Variants in MARCHF10 observed in about 807,000 individuals in gnomAD.
The protein encoded by MARCHF10 is membrane associated ring-CH-type finger 10.
MARCHF10 carries 64 observed loss-of-function variants against 76.2 expected under a neutral mutation model. The observed-to-expected ratio is 0.84, with a 90% CI of 0.69 to 1.03. MARCHF10 has a LOEUF of 1.03. Among genes scored for constraint, MARCHF10 ranks in the 50% least tolerant of loss-of-function variants. The pLI is 0.00. For missense variants in MARCHF10, 875 were observed against 958.0 expected, an observed-to-expected ratio of 0.91 and a Z score of 1.14; for synonymous variants, 340 against 357.5, an observed-to-expected ratio of 0.95 and a Z score of 0.55.
chr17:62,779,119 C>T (rs928994140), intron 3 of MARCHF10, among the ~76,000 whole-genome samples: 1 of 152,138 alleles, frequency 6.6e-6, no homozygotes, highest in Non-Finnish European at 1.5e-5. Context: ...CAGTGCACCT[C>T]GAGGGCGCAG....
rs2089233923 is a variant in MARCHF10, at chr17:62,701,552, C to CT, written c.*150_*151insA. 31 of 1,537,494 alleles carry CT rather than the reference C, an allele frequency of 2.0e-5. No homozygotes were observed. In the East Asian group the frequency reaches 6.6e-4, roughly 33 times the overall value. On this transcript the variant is annotated 3_prime_UTR_variant, in exon 11 of 11. Transcript: ENST00000311269. ...GCTGCCCATAGATGCTCAAGCCAGA[C>CT]CCCAAAAGAGAGTGGCACGAGGTGA...
intron 3 of MARCHF10, among the ~76,000 whole-genome samples, chr17:62,788,160 A>T (rs1466242533): frequency 1.3e-5 from 2 of 152,188 alleles, no homozygotes; most frequent in Admixed American, 6.5e-5. Context: ...TCCAACTCTT[A>T]TAGAGTTGCA....
intron 2 of MARCHF10, among the ~76,000 whole-genome samples, chr17:62,792,955 T>TGCTGCCTCCATCAACCACC (rs1261165704): frequency 3.0e-5 from 3 of 98,644 alleles, no homozygotes; most frequent in Non-Finnish European, 6.1e-5. Context: ...CCCTCACCAC[T>TGCTGCCTCCATCAACCACC]GCTGCCTCCA....
chr17:62,733,501 G>A (rs1479623272), intron 6 of MARCHF10, among the ~76,000 whole-genome samples: 1 of 152,130 alleles, frequency 6.6e-6, no homozygotes, highest in Non-Finnish European at 1.5e-5. Context: ...GACATGACTG[G>A]TTTGACACTA....
chr17:62,797,857 A>G (rs1458064171), intron 2 of MARCHF10, among the ~76,000 whole-genome samples: 1 of 152,156 alleles, frequency 6.6e-6, no homozygotes, highest in East Asian at 1.9e-4. Context: ...GGAAGTTGGA[A>G]CCATGGGGTG....
chr17:62,798,539 G>A (rs1473519946), intron 2 of MARCHF10, among the ~76,000 whole-genome samples: 3 of 152,118 alleles, frequency 2.0e-5, no homozygotes, highest in South Asian at 2.1e-4. Context: ...TAAAGACTGG[G>A]AAGGAGCCCG....
intron 1 of MARCHF10, among the ~76,000 whole-genome samples, chr17:62,803,746 C>G (rs866082770): frequency 9.5e-4 from 144 of 152,260 alleles, no homozygotes; most frequent in African/African-American, 3.3e-3. Flanking sequence ...GAGCTCCTGA[C>G]GTCAGGTGAT....
chr17:62,775,949 G>A (rs371445423), intron 3 of MARCHF10, among the ~76,000 whole-genome samples: 1 of 151,838 alleles, frequency 6.6e-6, no homozygotes, highest in Non-Finnish European at 1.5e-5. Context: ...TCCAAGTAGC[G>A]GGAATTACAG....
intron 5 of MARCHF10, among the ~76,000 whole-genome samples, chr17:62,740,364 G>C (rs2091461798): frequency 6.6e-6 from 1 of 152,178 alleles, no homozygotes; most frequent in Admixed American, 6.5e-5. Context: ...ACAAGCATCT[G>C]TCTGCCTTAA....
At chr17:62,795,108 C>T in intron 2 of MARCHF10, 6 of 966,156 alleles carry the variant, frequency 6.2e-6, no homozygotes, top group Non-Finnish European at 7.4e-6. Flanking sequence ...CCTGAGTGGA[C>T]AACTCCAAAC....
chr17:62,756,829 C>T (rs1379285984), intron 4 of MARCHF10, among the ~76,000 whole-genome samples: 2 of 152,132 alleles, frequency 1.3e-5, no homozygotes, highest in Non-Finnish European at 2.9e-5. Context: ...GCCCATAAAC[C>T]GCATGCGCCA....
chr17:62,714,738 C>T (rs1170509644), intron 8 of MARCHF10, among the ~76,000 whole-genome samples: 2 of 151,972 alleles, frequency 1.3e-5, no homozygotes, highest in Non-Finnish European at 2.9e-5. Flanking sequence ...AGTCCCGTCC[C>T]CTCCCCTCCC....
intron 6 of MARCHF10, among the ~76,000 whole-genome samples, chr17:62,729,308 C>T (rs1305080457): frequency 6.6e-6 from 1 of 151,660 alleles, no homozygotes; most frequent in Non-Finnish European, 1.5e-5. Flanking sequence ...GAATGTACAA[C>T]CTTTTCTAAT....
chr17:62,728,405 G>A (rs1238215401), intron 6 of MARCHF10, among the ~76,000 whole-genome samples: 11 of 152,116 alleles, frequency 7.2e-5, no homozygotes, highest in Non-Finnish European at 1.5e-4. Flanking sequence ...GATCTCAGAG[G>A]AGAAAAAGCA....
At chr17:62,708,451 A>G (rs943689980) in intron 9 of MARCHF10, among the ~76,000 whole-genome samples, 1 of 152,058 alleles carries the variant, frequency 6.6e-6, no homozygotes, top group Non-Finnish European at 1.5e-5. Context: ...TCACCGTGTT[A>G]GCCAGGATGG....
intron 6 of MARCHF10, among the ~76,000 whole-genome samples, chr17:62,729,766 G>A (rs1442194942): frequency 6.6e-6 from 1 of 151,948 alleles, no homozygotes; most frequent in Non-Finnish European, 1.5e-5. Flanking sequence ...TAGAGACAGG[G>A]TATCGCCATG....
At chr17:62,739,153 G>A (rs1385318731) in intron 5 of MARCHF10, among the ~76,000 whole-genome samples, 1 of 152,036 alleles carries the variant, frequency 6.6e-6, no homozygotes, top group South Asian at 2.1e-4. Context: ...ACAAAAATTA[G>A]CCGGGTGCTG....
At chr17:62,758,171 C>G (rs562034474) in intron 4 of MARCHF10, among the ~76,000 whole-genome samples, 6 of 152,300 alleles carry the variant, frequency 3.9e-5, no homozygotes, top group African/African-American at 1.4e-4. Flanking sequence ...GAGGCAGAGG[C>G]AGGCGGATCC....
rs557355288 is a variant in MARCHF10 at position 62,760,005 on chromosome 17, C to T, written c.212G>A (p.Ser71Asn). ...AGTTAGAGCATCCTCCTCACTAGAA[C>T]TCTACCAAAAATGAAATACGTCTGA... ...RFSSRSSSKQSSSEEDALTEP... is the reference protein window; with the variant it reads ...RFSSRSSSKQNSSEEDALTEP... Residue 71 changes from serine (S) to asparagine (N), a missense_variant and splice_region_variant, in exon 4 of 11, where the codon AGT becomes AAT. By Grantham distance (46) the Ser-to-Asn change is conservative (BLOSUM62 1). Coordinates refer to ENST00000311269, the MANE Select transcript of MARCHF10 (RefSeq NM_152598.4). The T allele has an allele frequency of 2.5e-6, 4 of 1,612,086 alleles. No homozygotes were observed. The highest frequency in any genetic ancestry group is 2.2e-5 in the South Asian group (2 of 90,730).
Sources: gnomAD v4.1 joint callset for allele counts (sites outside exome capture counted in the v4.1 genomes callset) on GRCh38, gnomAD v4.1.1 for gene constraint, MANE v1.5 for transcripts, NCBI Gene and HGNC (gene_info 2026-07-23, HGNC 2026-07-21) for gene names.